UBE2E1: variants seen among roughly 807,000 people sequenced by gnomAD.
The protein encoded by UBE2E1 is ubiquitin conjugating enzyme E2 E1.
In UBE2E1, 6 loss-of-function variants were observed where a neutral mutation model predicts 21.4. The ratio of observed to expected loss-of-function variants is 0.28; its 90% CI spans 0.15 to 0.55. The LOEUF is 0.55. Among genes scored for constraint, UBE2E1 ranks in the 20% least tolerant of loss-of-function variants. UBE2E1 has a pLI of 0.93. For synonymous variants in UBE2E1, 87 were observed against 82.7 expected, an observed-to-expected ratio of 1.05 and a Z score of -0.28; for missense variants, 142 against 236.5, an observed-to-expected ratio of 0.60 and a Z score of 2.62.
intron 3 of UBE2E1, among the ~76,000 whole-genome samples, chr3:23,815,269 A>G (rs1575801868): frequency 6.6e-6 from 1 of 152,234 alleles, no homozygotes; most frequent in Non-Finnish European, 1.5e-5. Flanking sequence ...GGCGTGAGCC[A>G]TGGTGCCTGG....
intron 3 of UBE2E1, among the ~76,000 whole-genome samples, chr3:23,875,338 A>G (rs995169869): frequency 1.3e-5 from 2 of 152,222 alleles, no homozygotes; most frequent in African/African-American, 4.8e-5. Flanking sequence ...TAGTGTGCCA[A>G]GTCCTGTAGT....
At chr3:23,875,553 G>A (rs1224986740) in intron 3 of UBE2E1, among the ~76,000 whole-genome samples, 1 of 152,066 alleles carries the variant, frequency 6.6e-6, no homozygotes, top group Non-Finnish European at 1.5e-5. Context: ...AAATTCCTTC[G>A]GAAGTTTATC....
At chr3:23,817,575 T>C (rs1237555048) in intron 3 of UBE2E1, among the ~76,000 whole-genome samples, 16 of 152,222 alleles carry the variant, frequency 1.1e-4, no homozygotes, top group Admixed American at 1.0e-3. Context: ...TATCATGTTA[T>C]AAAGTTTCAG....
chr3:23,833,528 C>T (rs1366905130), intron 3 of UBE2E1, among the ~76,000 whole-genome samples: 3 of 152,144 alleles, frequency 2.0e-5, no homozygotes, highest in African/African-American at 7.2e-5. Context: ...AGTCTGAAAG[C>T]CATGTCATAG....
intron 3 of UBE2E1, among the ~76,000 whole-genome samples, chr3:23,869,351 C>CTTTTTT (rs58059005): frequency 3.5e-5 from 4 of 114,596 alleles, no homozygotes; most frequent in South Asian, 2.9e-4. Flanking sequence ...TTATGGTATC[C>CTTTTTT]TTTTTTTTTT....
intron 3 of UBE2E1, among the ~76,000 whole-genome samples, chr3:23,832,465 C>G (rs1358925355): frequency 2.0e-5 from 3 of 152,054 alleles, no homozygotes; most frequent in Non-Finnish European, 2.9e-5. Flanking sequence ...GTCACCATGG[C>G]AAAACCCCAT....
chr3:23,840,919 G>A (rs1238192456), intron 3 of UBE2E1, among the ~76,000 whole-genome samples: 3 of 152,256 alleles, frequency 2.0e-5, no homozygotes, highest in South Asian at 2.1e-4. Context: ...GATGTCCAGT[G>A]TATGGAAACT....
At chr3:23,860,947 A>G (rs765986503) in intron 3 of UBE2E1, among the ~76,000 whole-genome samples, 4 of 152,248 alleles carry the variant, frequency 2.6e-5, no homozygotes, top group Non-Finnish European at 5.9e-5. Flanking sequence ...GGAGATATAT[A>G]TATGTAAAGT....
chr3:23,811,871 A>G (rs938183784), intron 3 of UBE2E1, among the ~76,000 whole-genome samples: 3 of 152,234 alleles, frequency 2.0e-5, no homozygotes, highest in African/African-American at 7.2e-5. Context: ...CTGCTTTGCT[A>G]CAGTAATCTC....
At position 23,842,229 on chromosome 3, in the gene UBE2E1, GTGTGTGTGTGTGTGTGTGTGGTGT is replaced by G. The variant is rs1037681352; in HGVS notation, c.203+30723_203+30746del. On this transcript the variant is annotated intron_variant, in intron 3 of 5. Transcript: ENST00000306627. This position sits in a 1 kb window ranked among gnomAD's most constrained non-coding sequence, Gnocchi z 4.6. ...TGTGTGTGTGTGTGTGTGTGTGTGT[GTGTGTGTGTGTGTGTGTGTGGTGT>G]TGTTGTTGTTGGCGACAGGGTCTCA... Among the ~76,000 whole-genome samples, 4 of 82,350 alleles carry G rather than the reference GTGTGTGTGTGTGTGTGTGTGGTGT, an allele frequency of 4.9e-5. No individual in the cohort carries two copies. Among genetic ancestry groups the G allele is most frequent in the African/African-American group, 9.6e-5 (2 of 20,824 alleles). The allele number at this position is 82,350 out of a possible 152,430, so 54.0% of individuals were successfully genotyped here.
At chr3:23,890,236 A>G (rs182577762) in intron 5 of UBE2E1, among the ~76,000 whole-genome samples, 1 of 152,308 alleles carries the variant, frequency 6.6e-6, no homozygotes, top group Admixed American at 6.5e-5. Context: ...AGAGTAAAGA[A>G]ACTCCAATTG....
chr3:23,871,284 T>A (rs7432555), intron 3 of UBE2E1, among the ~76,000 whole-genome samples: 434 of 20,810 alleles, frequency 0.021, 43 homozygotes, highest in African/African-American at 0.023. Context: ...CCTCCCGGAC[T>A]GGGCGGCTGG....
chr3:23,864,822 C>T (rs1700620160), intron 3 of UBE2E1, among the ~76,000 whole-genome samples: 4 of 152,188 alleles, frequency 2.6e-5, no homozygotes, highest in Admixed American at 2.6e-4. Flanking sequence ...AAGAGACTGC[C>T]TGGAGGGCGA....
At chr3:23,811,535 C>G in intron 3 of UBE2E1, 25 bp downstream of exon 3, 1 of 1,611,112 alleles carries the variant, frequency 6.2e-7, no homozygotes, top group African/African-American at 1.3e-5. Context: ...GGATTTTTTC[C>G]ATTTTTAAAA....
In UBE2E1 at chr3:23,887,571, G is replaced by T; in HGVS notation, c.208G>T (p.Gly70Cys). The change falls in exon 4 of 6, where the codon GGT becomes TGT. Residue 70 changes from glycine (G) to cysteine (C), a missense_variant. Gly to Cys is a radical substitution (Grantham distance 159). This residue lies in a region of UBE2E1 where 87 missense variants were observed against 184.9 expected (regional missense o/e 0.47). Coordinates refer to ENST00000306627, the MANE Select transcript of UBE2E1 (RefSeq NM_003341.5). This position sits in a 1 kb window ranked among gnomAD's most constrained non-coding sequence, Gnocchi z 4.4. ...TLDPPPNCSA[G>C]PKGDNIYEWR... Reference sequence around the variant, plus strand: ...TTGTTGACGTATTATTCACAGTGCTGGTCCCAAAGGCGATAACATCTATGA... The same window carrying T: ...TTGTTGACGTATTATTCACAGTGCTTGTCCCAAAGGCGATAACATCTATGA... 6.2e-7 allele frequency: 1 copy of T among 1,608,740 alleles called. No homozygotes were observed. Among genetic ancestry groups the T allele is most frequent in the Non-Finnish European group, 8.5e-7 (1 of 1,178,720 alleles).
chr3:23,874,400 C>CA (rs1437317335), intron 3 of UBE2E1, among the ~76,000 whole-genome samples: 1 of 152,150 alleles, frequency 6.6e-6, no homozygotes, highest in Non-Finnish European at 1.5e-5. Context: ...CACTTATGCA[C>CA]AATATAGTTA....
rs545654020 is a variant in UBE2E1 at position 23,849,128 on chromosome 3, C to T, written c.203+37618C>T. Among the ~76,000 whole-genome samples the T allele has an allele frequency of 2.6e-4, 40 of 152,084 alleles. 1 individual carries two copies. In the South Asian group the frequency reaches 7.7e-3, roughly 29 times the overall value. ...ATATTTTATTTTATTTTTTTAGGAA[C>T]CTGGGAGTGGTTTTGCTGGGTCAGA... On this transcript the variant is annotated intron_variant, in intron 3 of 5. Transcript: ENST00000306627.
At chr3:23,878,811 G>C (rs1439893717) in intron 3 of UBE2E1, among the ~76,000 whole-genome samples, 1 of 152,160 alleles carries the variant, frequency 6.6e-6, no homozygotes, top group African/African-American at 2.4e-5. Flanking sequence ...TCTACATTAT[G>C]GTGAGTTGTA....
intron 3 of UBE2E1, among the ~76,000 whole-genome samples, chr3:23,829,945 A>T (rs1699834573): frequency 6.6e-6 from 1 of 152,094 alleles, no homozygotes; most frequent in Non-Finnish European, 1.5e-5. Context: ...CATTGTCAGG[A>T]TATGGGTATG....
Sources: gnomAD v4.1 joint callset for allele counts (sites outside exome capture counted in the v4.1 genomes callset) on GRCh38, gnomAD v4.1.1 for gene constraint, gnomAD v4.1.1 regional missense constraint, Gnocchi (gnomAD v3.1) non-coding constraint, MANE v1.5 for transcripts, NCBI Gene and HGNC (gene_info 2026-07-23, HGNC 2026-07-21) for gene names.